Variants in NR3C2 observed in about 807,000 individuals in gnomAD.
The protein encoded by NR3C2 is mineralocorticoid receptor.
NR3C2 carries 15 observed loss-of-function variants against 86.4 expected under a neutral mutation model. That is an observed-to-expected ratio of 0.17 (90% CI 0.12 to 0.27). The LOEUF is 0.27. Ranked by LOEUF, NR3C2 falls within the 10% of genes least tolerant of loss-of-function variation. The pLI, the probability that NR3C2 is intolerant of heterozygous loss-of-function variation, is 1.00. For synonymous variants in NR3C2, 458 were observed against 450.5 expected (o/e 1.02, Z -0.21); for missense variants, 960 against 1,195.6 (o/e 0.80, Z 2.91).
intron 2 of NR3C2, among the ~76,000 whole-genome samples, chr4:148,321,827 T>C (rs1319163661): frequency 1.3e-5 from 2 of 152,244 alleles, no homozygotes; most frequent in African/African-American, 4.8e-5. Context: ...CTTGACTCTT[T>C]ATGCAATTTG....
At chr4:148,086,334 C>T (rs1333273339) in intron 8 of NR3C2, among the ~76,000 whole-genome samples, 4 of 152,190 alleles carry the variant, frequency 2.6e-5, no homozygotes, top group African/African-American at 9.7e-5. Context: ...ATACACAAAT[C>T]AATAAATGTA....
chr4:148,174,991 T>A (rs1735303905), intron 4 of NR3C2, among the ~76,000 whole-genome samples: 1 of 152,176 alleles, frequency 6.6e-6, no homozygotes. Context: ...GTCAGTAGAC[T>A]ACAAAACTGG....
At chr4:148,160,005 G>A (rs61757907) in intron 4 of NR3C2, among the ~76,000 whole-genome samples, 62 of 152,290 alleles carry the variant, frequency 4.1e-4, no homozygotes, top group African/African-American at 1.3e-3. Flanking sequence ...GTGTGTGCAC[G>A]TGCAGGGTAC....
intron 8 of NR3C2, among the ~76,000 whole-genome samples, chr4:148,109,155 C>A (rs1236011384): frequency 6.6e-6 from 1 of 152,166 alleles, no homozygotes; most frequent in Non-Finnish European, 1.5e-5. Context: ...AAATAAGGAT[C>A]CTCTGATGCC....
At chr4:148,137,408 A>G (rs1578926137) in intron 6 of NR3C2, among the ~76,000 whole-genome samples, 1 of 152,276 alleles carries the variant, frequency 6.6e-6, no homozygotes, top group South Asian at 2.1e-4. Flanking sequence ...CTGCTTTAAA[A>G]TGTAATTGGT....
intron 4 of NR3C2, among the ~76,000 whole-genome samples, chr4:148,189,649 C>G (rs1358951681): frequency 6.6e-6 from 1 of 152,116 alleles, no homozygotes; most frequent in African/African-American, 2.4e-5. Context: ...TCCATCTGGT[C>G]CTGGACTTTT....
At chr4:148,230,240 C>G (rs1489049034) in intron 3 of NR3C2, among the ~76,000 whole-genome samples, 12 of 152,184 alleles carry the variant, frequency 7.9e-5, no homozygotes, top group Admixed American at 7.9e-4. Context: ...GTTGCCCAGG[C>G]TGGAGTGCAG....
intron 2 of NR3C2, among the ~76,000 whole-genome samples, chr4:148,392,697 A>C (rs551386522): frequency 6.6e-6 from 1 of 152,240 alleles, no homozygotes; most frequent in Non-Finnish European, 1.5e-5. Flanking sequence ...ATTAGAGCTC[A>C]CTATATCTAA....
chr4:148,391,928 C>A (rs926818069), intron 2 of NR3C2, among the ~76,000 whole-genome samples: 17 of 145,514 alleles, frequency 1.2e-4, no homozygotes, highest in African/African-American at 4.0e-4. Flanking sequence ...ATTTTTTATA[C>A]AATAAATCAT....
rs181716945 is a variant in NR3C2, at chr4:148,184,194, T to A, written c.2014+10552A>T. On this transcript the variant is annotated intron_variant, in intron 4 of 8. Transcript: ENST00000358102. ...GGCTGGGTGCGGTAGCTCACGCCTG[T>A]AATCCCAGCACTTTGGGAGGACAAG... 5.8e-4 allele frequency among the ~76,000 whole-genome samples: 88 copies of A among 152,130 alleles called. No homozygotes were observed. In the East Asian group the frequency reaches 0.014, roughly 24 times the overall value.
chr4:148,384,471 ATTTG>A (rs1269656983), intron 2 of NR3C2, among the ~76,000 whole-genome samples: 1 of 142,950 alleles, frequency 7.0e-6, no homozygotes. Flanking sequence ...ACAAATAAGA[ATTTG>A]TTTTTTTTCA....
At chr4:148,416,690 C>T (rs1033923346) in intron 2 of NR3C2, among the ~76,000 whole-genome samples, 2 of 152,192 alleles carry the variant, frequency 1.3e-5, no homozygotes, top group African/African-American at 4.8e-5. Flanking sequence ...TAAAATGATA[C>T]CAAATTGTTG....
intron 2 of NR3C2, among the ~76,000 whole-genome samples, chr4:148,363,502 A>ATTTTTTTTTTTT (rs1414328296): frequency 1.8e-4 from 3 of 16,224 alleles, no homozygotes; most frequent in Non-Finnish European, 3.9e-4. Context: ...CTTCTCATAG[A>ATTTTTTTTTTTT]TCTCTTTTTT....
chr4:148,365,882 C>G (rs72729962), intron 2 of NR3C2, among the ~76,000 whole-genome samples: 31,412 of 152,018 alleles, frequency 0.21, 3,438 homozygotes, highest in Non-Finnish European at 0.24. Context: ...CAGGCACTGA[C>G]CCCACTAAGA....
intron 2 of NR3C2, among the ~76,000 whole-genome samples, chr4:148,267,562 T>C (rs1451236472): frequency 6.6e-6 from 1 of 152,156 alleles, no homozygotes; most frequent in Non-Finnish European, 1.5e-5. Flanking sequence ...TAATTTAAAA[T>C]AATACCACAA....
chr4:148,415,142 G>A (rs1394966891), intron 2 of NR3C2, among the ~76,000 whole-genome samples: 3 of 152,118 alleles, frequency 2.0e-5, no homozygotes, highest in Non-Finnish European at 4.4e-5. Flanking sequence ...GGATCATTAT[G>A]TAAGAACAGT....
intron 4 of NR3C2, among the ~76,000 whole-genome samples, chr4:148,161,730 T>G (rs1372376528): frequency 6.6e-6 from 1 of 152,144 alleles, no homozygotes; most frequent in Admixed American, 6.5e-5. Context: ...ATAACTAATA[T>G]CCACCCATTG....
rs200081256 is a variant in NR3C2, at chr4:148,261,364, CTATGGTGCGCTATGGTCAGTG to C, written c.1758-1268_1758-1248del. Reference sequence around the variant, plus strand: ...GCCCTATGGTGCGCTATGGTAAGCGCTATGGTGCGCTATGGTCAGTGTATGGTGCGCTATGGTCAGTGCTAT... The same window carrying C: ...GCCCTATGGTGCGCTATGGTAAGCGCTATGGTGCGCTATGGTCAGTGCTAT... On this transcript the variant is annotated intron_variant, in intron 2 of 8. Transcript: ENST00000358102. 1.1e-3 allele frequency among the ~76,000 whole-genome samples: 130 copies of C among 115,418 alleles called. 1 individual carries two copies. Among genetic ancestry groups the C allele is most frequent in the African/African-American group, 1.6e-3 (55 of 33,926 alleles). 75.7% of individuals were successfully genotyped at this position (115,418 alleles called of 152,430 possible).
intron 2 of NR3C2, among the ~76,000 whole-genome samples, chr4:148,281,182 G>A (rs1306445084): frequency 6.6e-6 from 1 of 152,180 alleles, no homozygotes; most frequent in Non-Finnish European, 1.5e-5. Flanking sequence ...CAAAGGAGAG[G>A]AGCAGACTGT....
Sources: gnomAD v4.1 joint callset for allele counts (sites outside exome capture counted in the v4.1 genomes callset) on GRCh38, gnomAD v4.1.1 for gene constraint, MANE v1.5 for transcripts, NCBI Gene and HGNC (gene_info 2026-07-23, HGNC 2026-07-21) for gene names.